ZBTB20: variants seen among roughly 807,000 people sequenced by gnomAD.
ZBTB20 encodes the protein zinc finger and BTB domain-containing protein 20.
ZBTB20 carries 9 observed loss-of-function variants against 56.9 expected under a neutral mutation model. That is an observed-to-expected ratio of 0.16 (90% CI 0.10 to 0.28). ZBTB20 has a LOEUF of 0.28. Among genes scored for constraint, ZBTB20 ranks in the 10% least tolerant of loss-of-function variants. The probability of loss-of-function intolerance (pLI) is 1.00; values close to 1 mark genes in which losing one functional copy is unlikely to be tolerated. For synonymous variants in ZBTB20, 417 were observed against 420.7 expected (o/e 0.99, Z 0.11); for missense variants, 655 against 1,003.0 (o/e 0.65, Z 4.69).
intron 1 of ZBTB20, among the ~76,000 whole-genome samples, chr3:115,117,850 G>A (rs973793419): frequency 3.3e-5 from 5 of 152,044 alleles, no homozygotes; most frequent in Non-Finnish European, 5.9e-5. Context: ...GTGTCTCAAT[G>A]AGAAACTGAA....
At chr3:115,056,345 C>T (rs1242402787) in intron 2 of ZBTB20, among the ~76,000 whole-genome samples, 1 of 152,030 alleles carries the variant, frequency 6.6e-6, no homozygotes, top group African/African-American at 2.4e-5. Context: ...TAGCACAACC[C>T]TGTGAGAGGT....
chr3:114,749,115 A>G (rs898685915), intron 5 of ZBTB20, among the ~76,000 whole-genome samples: 1 of 152,202 alleles, frequency 6.6e-6, no homozygotes, highest in African/African-American at 2.4e-5. Flanking sequence ...TGACAATAAC[A>G]TGTCCTCCAA....
chr3:114,989,775 C>T (rs1377830948), intron 2 of ZBTB20, among the ~76,000 whole-genome samples: 6 of 152,078 alleles, frequency 3.9e-5, no homozygotes, highest in Admixed American at 2.6e-4. Flanking sequence ...TCTTTTATTT[C>T]GTTGAGCAGT....
chr3:114,806,008 C>T (rs112091907), intron 4 of ZBTB20, among the ~76,000 whole-genome samples: 2 of 151,968 alleles, frequency 1.3e-5, no homozygotes, highest in Non-Finnish European at 2.9e-5. Context: ...AGCCAATGGA[C>T]ATCTGAATTG....
intron 2 of ZBTB20, among the ~76,000 whole-genome samples, chr3:115,031,069 A>AT (rs2108345785): frequency 6.6e-6 from 1 of 151,562 alleles, no homozygotes; most frequent in Non-Finnish European, 1.5e-5. Context: ...CAATTTCCTC[A>AT]TTACCCATCA....
chr3:115,087,656 A>G (rs948474828), intron 1 of ZBTB20, among the ~76,000 whole-genome samples: 1 of 151,892 alleles, frequency 6.6e-6, no homozygotes, highest in Non-Finnish European at 1.5e-5. Flanking sequence ...CAACACTGAA[A>G]ACTGCTGTGT....
intron 6 of ZBTB20, among the ~76,000 whole-genome samples, chr3:114,621,771 A>G (rs1360629530): frequency 6.6e-6 from 1 of 152,214 alleles, no homozygotes; most frequent in Non-Finnish European, 1.5e-5. Context: ...AAATTGAGTT[A>G]TTGACAGTGC....
chr3:115,094,436 T>C (rs2083306228), intron 1 of ZBTB20, among the ~76,000 whole-genome samples: 1 of 152,066 alleles, frequency 6.6e-6, no homozygotes, highest in African/African-American at 2.4e-5. Flanking sequence ...CTAAATAAGA[T>C]ATTTTTGTTT....
intron 2 of ZBTB20, among the ~76,000 whole-genome samples, chr3:115,065,983 T>G (rs1292660676): frequency 6.6e-6 from 1 of 151,984 alleles, no homozygotes. Flanking sequence ...TGGGAAAAAA[T>G]GTCTCCAAGA....
At chr3:114,850,332 A>G (rs2074937538) in intron 4 of ZBTB20, among the ~76,000 whole-genome samples, 1 of 152,174 alleles carries the variant, frequency 6.6e-6, no homozygotes, top group Non-Finnish European at 1.5e-5. Flanking sequence ...CAAAATATAA[A>G]CAGGATTTTT....
chr3:115,032,760 T>A (rs2080743728), intron 2 of ZBTB20, among the ~76,000 whole-genome samples: 1 of 151,008 alleles, frequency 6.6e-6, no homozygotes, highest in African/African-American at 2.4e-5. Flanking sequence ...GGCAACATAC[T>A]CTTAAACAAA....
At chr3:114,547,885 T>G (rs2050084927) in intron 6 of ZBTB20, among the ~76,000 whole-genome samples, 1 of 152,222 alleles carries the variant, frequency 6.6e-6, no homozygotes, top group Non-Finnish European at 1.5e-5. Context: ...ATTTTTATAT[T>G]AATTTTCTAT....
chr3:114,517,007 T>C (rs1270993561), intron 6 of ZBTB20, among the ~76,000 whole-genome samples: 1 of 152,228 alleles, frequency 6.6e-6, no homozygotes, highest in Non-Finnish European at 1.5e-5. Flanking sequence ...CTTCAGTATA[T>C]TGGAATCAGT....
intron 4 of ZBTB20, among the ~76,000 whole-genome samples, chr3:114,858,918 T>C (rs1409210199): frequency 6.6e-6 from 1 of 152,162 alleles, no homozygotes; most frequent in East Asian, 1.9e-4. Context: ...AACTACATAT[T>C]GCAGGTATTT....
intron 7 of ZBTB20, among the ~76,000 whole-genome samples, chr3:114,418,883 C>T (rs2088852363): frequency 6.6e-6 from 1 of 152,022 alleles, no homozygotes; most frequent in East Asian, 1.9e-4. Context: ...TCCCTACTGC[C>T]CTCTAGTGGA....
intron 1 of ZBTB20, among the ~76,000 whole-genome samples, chr3:115,074,673 A>G (rs2082531659): frequency 6.6e-6 from 1 of 152,192 alleles, no homozygotes; most frequent in Non-Finnish European, 1.5e-5. Flanking sequence ...GCAATTGCTG[A>G]GAAAAGGAAA....
intron 6 of ZBTB20, among the ~76,000 whole-genome samples, chr3:114,590,238 T>C (rs2055605830): frequency 6.6e-6 from 1 of 152,078 alleles, no homozygotes; most frequent in African/African-American, 2.4e-5. Flanking sequence ...GCGGATCACC[T>C]GAGGTCAGGA....
intron 2 of ZBTB20, among the ~76,000 whole-genome samples, chr3:115,057,948 T>TA (rs1441395051): frequency 2.6e-5 from 4 of 152,148 alleles, no homozygotes; most frequent in African/African-American, 7.2e-5. Flanking sequence ...TCAGGAAACT[T>TA]ACAATCATGA....
chr3:114,625,530 G>A (rs1329906502), intron 6 of ZBTB20, among the ~76,000 whole-genome samples: 7 of 152,122 alleles, frequency 4.6e-5, no homozygotes, highest in African/African-American at 1.7e-4. Context: ...ATATCTCAAA[G>A]GTGTACATTT....
Sources: gnomAD v4.1 joint callset for allele counts (sites outside exome capture counted in the v4.1 genomes callset) on GRCh38, gnomAD v4.1.1 for gene constraint, MANE v1.5 for transcripts, NCBI Gene and HGNC (gene_info 2026-07-23, HGNC 2026-07-21) for gene names.